The following KNDC1 variants were observed in gnomAD, a reference collection of about 807,000 sequenced individuals.
The protein encoded by KNDC1 is kinase non-catalytic C-lobe domain-containing protein 1.
In KNDC1, 106 loss-of-function variants were observed where a neutral mutation model predicts 172.8. The observed-to-expected ratio is 0.61, with a 90% confidence interval of 0.52 to 0.72. KNDC1 has a LOEUF of 0.72. KNDC1 is among the 30% of genes least tolerant of loss of function. The pLI is 0.00. For missense variants in KNDC1, 2,325 were observed against 2,394.5 expected (o/e 0.97, Z 0.61); for synonymous variants, 1,083 against 1,062.2 (o/e 1.02, Z -0.38).
At chr10:133,182,117 A>C (rs952634706) in intron 3 of KNDC1, among the ~76,000 whole-genome samples, 3 of 152,004 alleles carry the variant, frequency 2.0e-5, no homozygotes, top group African/African-American at 7.2e-5. Context: ...CCTGACAGAG[A>C]GGGGGAGTCG....
chr10:133,212,129 C>T (rs756979177), intron 23 of KNDC1, among the ~76,000 whole-genome samples: 8 of 152,134 alleles, frequency 5.3e-5, no homozygotes, highest in Non-Finnish European at 7.4e-5. Context: ...CACGTGCACA[C>T]GCACGTGCAC....
intron 12 of KNDC1, 109 bp from the exon 13 acceptor site, chr10:133,198,228 C>T (rs889782912): frequency 4.7e-5 from 60 of 1,285,276 alleles, no homozygotes; most frequent in Non-Finnish European, 5.9e-5. Context: ...CGGGAGGGGA[C>T]GCGGCACCAC....
intron 3 of KNDC1, among the ~76,000 whole-genome samples, chr10:133,177,990 T>C (rs1853600318): frequency 6.7e-6 from 1 of 149,048 alleles, no homozygotes; most frequent in African/African-American, 2.5e-5. Context: ...GTGTGCAGTG[T>C]GGTGTGCATG....
At chr10:133,177,689 T>C (rs979734260) in intron 3 of KNDC1, among the ~76,000 whole-genome samples, 1 of 152,074 alleles carries the variant, frequency 6.6e-6, no homozygotes, top group Admixed American at 6.5e-5. Flanking sequence ...TGGGCACATG[T>C]GTGTAATGTG....
chr10:133,212,006 C>T (rs1023287185), intron 23 of KNDC1, 148 bp downstream of exon 23: 553 of 737,646 alleles, frequency 7.5e-4, no homozygotes, highest in Non-Finnish European at 1.1e-3. Flanking sequence ...TAGACGTGTG[C>T]ACATACACTT....
intron 26 of KNDC1, 30 bp downstream of exon 26, chr10:133,214,152 C>T (rs763755371): frequency 1.6e-5 from 26 of 1,611,336 alleles, no homozygotes; most frequent in South Asian, 4.4e-5. Flanking sequence ...GAGGCCAACA[C>T]GGGGCGTGGG....
Position 133,204,535 on chromosome 10 carries a change from C to T in KNDC1, c.3388-2150C>T, listed in dbSNP as rs1343561633. 2.0e-5 allele frequency among the ~76,000 whole-genome samples: 3 copies of T among 152,230 alleles called. No homozygotes were observed. In the East Asian group the frequency reaches 5.8e-4, roughly 29 times the overall value. ...TGCCCACACTGCCGTAGCGGGGAGC[C>T]TGGCCCTCCGTGGCACCGCCACGGC... On this transcript the variant is annotated intron_variant, in intron 17 of 29. Transcript: ENST00000304613.
In KNDC1 at chr10:133,184,015, C is replaced by T. The variant is rs757473053; in HGVS notation, c.625+26C>T. The T allele has an allele frequency of 2.3e-6, 3 of 1,331,014 alleles. No homozygotes were observed. In the East Asian group the frequency reaches 7.3e-5, roughly 32 times the overall value. 82.5% of individuals were successfully genotyped at this position (1,331,014 alleles called of 1,614,324 possible). On this transcript the variant is annotated intron_variant, in intron 5 of 29. Transcript: ENST00000304613. ...GTGAGTTCTTGAACCCACACACGTG[C>T]ATCCTCATGCACATATACCTGTGTG...
intron 3 of KNDC1, among the ~76,000 whole-genome samples, chr10:133,178,157 A>G (rs1027601908): frequency 1.4e-5 from 2 of 142,472 alleles, no homozygotes; most frequent in Non-Finnish European, 3.0e-5. Flanking sequence ...TCACGGGCAC[A>G]CGAGTGTATC....
chr10:133,201,228 G>A (rs186435783), intron 16 of KNDC1, among the ~76,000 whole-genome samples: 2 of 152,188 alleles, frequency 1.3e-5, no homozygotes, highest in Admixed American at 6.5e-5. Context: ...CCACCCCGGG[G>A]CGAGTACGAG....
chr10:133,180,179 A>G (rs950483859), intron 3 of KNDC1, among the ~76,000 whole-genome samples: 1 of 152,146 alleles, frequency 6.6e-6, no homozygotes, highest in African/African-American at 2.4e-5. Flanking sequence ...CTGTTTCTCC[A>G]TGTATCGCTG....
intron 29 of KNDC1, among the ~76,000 whole-genome samples, chr10:133,221,915 A>G (rs12358069): frequency 0.043 from 1,040 of 24,282 alleles, 108 homozygotes; most frequent in Non-Finnish European, 0.068. Context: ...AACCCTAGGT[A>G]GGCCGGGCTG....
intron 1 of KNDC1, among the ~76,000 whole-genome samples, chr10:133,166,946 G>A (rs996200758): frequency 1.3e-5 from 2 of 152,210 alleles, no homozygotes; most frequent in African/African-American, 4.8e-5. Flanking sequence ...TCATGTGAGT[G>A]TCAGGATCAC....
At position 133,160,435 on chromosome 10, in the gene KNDC1, G is replaced by A. The variant is rs1852922947; in HGVS notation, c.-33G>A. The A allele has an allele frequency of 1.4e-6, 2 of 1,422,608 alleles. No homozygotes were observed. Among genetic ancestry groups the A allele is most frequent in the South Asian group, 2.7e-5 (2 of 72,978 alleles). The allele number at this position is 1,422,608 out of a possible 1,614,324, so 88.1% of individuals were successfully genotyped here. On this transcript the variant is annotated 5_prime_UTR_variant, in exon 1 of 30. Coordinates refer to ENST00000304613, the MANE Select transcript of KNDC1 (RefSeq NM_152643.8). ...CCGAGCCCAGCCCAGCCCAGCCGGAGGCCCCGGGGGCGGTGCGCGGCGCGG... is the reference window on the plus strand; with the variant it reads ...CCGAGCCCAGCCCAGCCCAGCCGGAAGCCCCGGGGGCGGTGCGCGGCGCGG...
In KNDC1 at chr10:133,224,603, CG is replaced by C; in HGVS notation, c.5019-54del. On this transcript the variant is annotated intron_variant, in intron 29 of 29. Transcript: ENST00000304613. This position sits in a 1 kb window ranked among gnomAD's most constrained non-coding sequence, Gnocchi z 5.4. ...AGAACGCGGGGGGACTCCCTCCCCA[CG>C]GAAGCCGCGCCCCTGCCCTGTGCAA... is the stretch of plus-strand genomic sequence containing the variant. The C allele has an allele frequency of 7.5e-7, 1 of 1,336,474 alleles. No homozygotes were observed. The highest frequency in any genetic ancestry group is 1.1e-6 in the Non-Finnish European group (1 of 951,280). The allele number at this position is 1,336,474 out of a possible 1,614,324, so 82.8% of individuals were successfully genotyped here.
intron 3 of KNDC1, chr10:133,178,958 C>T (rs1004349184): frequency 7.9e-5 from 12 of 152,288 alleles, no homozygotes; most frequent in Non-Finnish European, 2.9e-5. Context: ...CAGACAGTCC[C>T]TGTGGACAGA....
intron 29 of KNDC1, among the ~76,000 whole-genome samples, chr10:133,221,216 G>C (rs1450410680): frequency 6.6e-6 from 1 of 152,066 alleles, no homozygotes; most frequent in African/African-American, 2.4e-5. Flanking sequence ...CCTCTCCCTA[G>C]AGACATCCAG....
chr10:133,221,392 C>T (rs1845584984), intron 29 of KNDC1, among the ~76,000 whole-genome samples: 1 of 148,008 alleles, frequency 6.8e-6, no homozygotes, highest in South Asian at 2.3e-4. Context: ...CACACAGGCT[C>T]TTCCACCTGG....
chr10:133,201,959 C>T, intron 17 of KNDC1, 61 bp downstream of exon 17: 1 of 1,497,676 alleles, frequency 6.7e-7, no homozygotes, highest in South Asian at 1.2e-5. Flanking sequence ...GCAGAGCTTC[C>T]TGGTCACTGC....
Sources: allele counts gnomAD v4.1 joint callset (sites outside exome capture counted in the v4.1 genomes callset), GRCh38; gene constraint gnomAD v4.1.1; non-coding constraint Gnocchi (gnomAD v3.1); transcripts MANE v1.5; gene names NCBI Gene and HGNC (gene_info 2026-07-23, HGNC 2026-07-21).